Variants in LHFPL2 observed in about 807,000 individuals in gnomAD.
LHFPL2 encodes the protein LHFPL tetraspan subfamily member 2.
Under a neutral mutation model 17.5 loss-of-function variants are expected in LHFPL2, and 7 were observed. That is an observed-to-expected ratio of 0.40 (90% CI 0.23 to 0.75). The LOEUF is 0.75. Among genes scored for constraint, LHFPL2 ranks in the 30% least tolerant of loss-of-function variants. The pLI is 0.37. For missense variants in LHFPL2, 241 were observed against 294.8 expected (o/e 0.82, Z 1.34); for synonymous variants, 134 against 116.2 (o/e 1.15, Z -0.99).
chr5:78,492,122 T>C (rs1393831741), intron 4 of LHFPL2, among the ~76,000 whole-genome samples: 1 of 152,208 alleles, frequency 6.6e-6, no homozygotes, highest in Non-Finnish European at 1.5e-5. Context: ...GGTGCCACTC[T>C]GGTGTACCCT....
In LHFPL2 at chr5:78,486,156, A is replaced by C. The variant is rs1048705824; in HGVS notation, c.*2741T>G. ...ACTTTACAGAATATATGTTTAACAA[A>C]GATCATTACACCACAGATGTTTGAA... On this transcript the variant is annotated 3_prime_UTR_variant, in exon 5 of 5. Transcript: ENST00000380345. 6.5e-6 allele frequency: 1 copy of C among 152,688 alleles called. No individual in the cohort carries two copies. Among genetic ancestry groups the C allele is most frequent in the African/African-American group, 2.4e-5 (1 of 41,470 alleles). 9.5% of individuals were successfully genotyped at this position (152,688 alleles called of 1,614,324 possible).
intron 2 of LHFPL2, among the ~76,000 whole-genome samples, chr5:78,605,986 A>G (rs1331492548): frequency 6.6e-6 from 1 of 152,234 alleles, no homozygotes; most frequent in Non-Finnish European, 1.5e-5. Context: ...CTTCTCTAAT[A>G]TGAGGACTGA....
At chr5:78,570,700 A>C (rs1756977980) in intron 2 of LHFPL2, among the ~76,000 whole-genome samples, 1 of 151,200 alleles carries the variant, frequency 6.6e-6, no homozygotes, top group Non-Finnish European at 1.5e-5. Flanking sequence ...ACTACTGTGA[A>C]TAGTGTTGAG....
At chr5:78,638,247 C>T (rs929334439) in intron 1 of LHFPL2, among the ~76,000 whole-genome samples, 14 of 152,184 alleles carry the variant, frequency 9.2e-5, no homozygotes, top group South Asian at 4.2e-4. Flanking sequence ...CCCAGCTATT[C>T]GGGAGGCTGA....
In LHFPL2 at chr5:78,547,332, T is replaced by A. The variant is rs781646641; in HGVS notation, c.-186+17481A>T. 8.7e-4 allele frequency among the ~76,000 whole-genome samples: 132 copies of A among 152,312 alleles called. 2 individuals carry two copies. The highest frequency in any genetic ancestry group is 1.8e-3 in the Non-Finnish European group (122 of 68,024). On this transcript the variant is annotated intron_variant, in intron 3 of 4. Transcript: ENST00000380345. ...GTGGGCTGGGCAGACACACAAACCCTTCCTTTCTTTGTTTTACTGACTACA... is the reference window on the plus strand; with the variant it reads ...GTGGGCTGGGCAGACACACAAACCCATCCTTTCTTTGTTTTACTGACTACA...
At chr5:78,628,379 T>C (rs1054143889) in intron 2 of LHFPL2, among the ~76,000 whole-genome samples, 1 of 152,194 alleles carries the variant, frequency 6.6e-6, no homozygotes, top group Admixed American at 6.5e-5. Context: ...GGATTAGTAA[T>C]TGCTGGCTTC....
intron 2 of LHFPL2, among the ~76,000 whole-genome samples, chr5:78,595,378 A>ACCCT (rs1024402733): frequency 6.6e-6 from 1 of 152,226 alleles, no homozygotes; most frequent in Non-Finnish European, 1.5e-5. Flanking sequence ...CTTAAAGGCA[A>ACCCT]CCCTCATGTG....
chr5:78,559,424 GAAGCA>G (rs1197217800), intron 3 of LHFPL2, among the ~76,000 whole-genome samples: 3 of 152,172 alleles, frequency 2.0e-5, no homozygotes, highest in African/African-American at 7.2e-5. Flanking sequence ...TCCATCAAGG[GAAGCA>G]ACTTTTCATA....
intron 2 of LHFPL2, among the ~76,000 whole-genome samples, chr5:78,565,140 TC>T (rs1176691468): frequency 6.6e-6 from 1 of 152,188 alleles, no homozygotes. Context: ...TTACATCGTT[TC>T]CTTTCCCCTC....
At chr5:78,515,969 C>T (rs1179967796) in intron 3 of LHFPL2, among the ~76,000 whole-genome samples, 1 of 152,180 alleles carries the variant, frequency 6.6e-6, no homozygotes, top group Non-Finnish European at 1.5e-5. Flanking sequence ...AGCTGTTCTC[C>T]CAGCTCATCT....
intron 2 of LHFPL2, chr5:78,590,201 G>GAACAACGAC (rs150317067): frequency 6.6e-6 from 1 of 150,580 alleles, no homozygotes; most frequent in Non-Finnish European, 1.5e-5. Flanking sequence ...ACCTAGCCAG[G>GAACAACGAC]AACAACAACA....
chr5:78,535,014 A>G (rs1755903079), intron 3 of LHFPL2, among the ~76,000 whole-genome samples: 1 of 152,196 alleles, frequency 6.6e-6, no homozygotes, highest in Non-Finnish European at 1.5e-5. Context: ...AAGCTGAACA[A>G]GTTTGTTGGA....
rs1280458034 is a variant in LHFPL2 at position 78,585,108 on chromosome 5, G to A, written c.-244-20237C>T. Among the ~76,000 whole-genome samples, 6 of 98,348 alleles carry A rather than the reference G, an allele frequency of 6.1e-5. 2 individuals are homozygous for A. The highest frequency in any genetic ancestry group is 2.7e-4 in the East Asian group (1 of 3,646). 64.5% of individuals were successfully genotyped at this position (98,348 alleles called of 152,430 possible). ...TGCAAGCTCCACCTCCCGGGTTCAC[G>A]CCATTCTCCTGCCTCAGCCTCCCAA... On this transcript the variant is annotated intron_variant, in intron 2 of 4. Coordinates refer to ENST00000380345, the MANE Select transcript of LHFPL2 (RefSeq NM_005779.3).
intron 1 of LHFPL2, among the ~76,000 whole-genome samples, chr5:78,645,427 T>G (rs945063564): frequency 2.6e-5 from 4 of 152,050 alleles, no homozygotes; most frequent in Non-Finnish European, 5.9e-5. Context: ...GCAGAGTTCT[T>G]CTTCTCAAGA....
intron 3 of LHFPL2, among the ~76,000 whole-genome samples, chr5:78,521,546 G>C (rs1041664458): frequency 1.3e-5 from 2 of 152,150 alleles, no homozygotes; most frequent in Non-Finnish European, 2.9e-5. Flanking sequence ...AAAAAATTTT[G>C]CCTCCCATGC....
In LHFPL2 at chr5:78,644,189, T is replaced by A. The variant is rs2112531993; in HGVS notation, c.-350+4310A>T. The A allele has an allele frequency of 6.9e-6, 4 of 578,048 alleles. No homozygotes were observed. In the South Asian group the frequency reaches 8.6e-5, roughly 12 times the overall value. The allele number at this position is 578,048 out of a possible 1,614,324, so 35.8% of individuals were successfully genotyped here. Reference sequence around the variant, plus strand: ...TTGTTACATAGTCTTCCATTTCAATTTCTTTAAAAGAAGTGAAATGCATAC... The same window carrying A: ...TTGTTACATAGTCTTCCATTTCAATATCTTTAAAAGAAGTGAAATGCATAC... On this transcript the variant is annotated intron_variant, in intron 1 of 4. Transcript: ENST00000380345.
chr5:78,565,653 A>G (rs1279290435), intron 2 of LHFPL2, among the ~76,000 whole-genome samples: 1 of 152,252 alleles, frequency 6.6e-6, no homozygotes, highest in Non-Finnish European at 1.5e-5. Flanking sequence ...GGACTGTTAT[A>G]GGAATATATT....
intron 2 of LHFPL2, among the ~76,000 whole-genome samples, chr5:78,592,406 G>T (rs1743658590): frequency 1.3e-5 from 2 of 152,068 alleles, no homozygotes; most frequent in Non-Finnish European, 2.9e-5. Flanking sequence ...AGCTAATTTG[G>T]GTTTGTCTCC....
chr5:78,509,662 T>C, intron 4 of LHFPL2, 122 bp downstream of exon 4: 2 of 1,012,374 alleles, frequency 2.0e-6, no homozygotes, highest in Admixed American at 4.5e-5. Flanking sequence ...AAAGGAAACC[T>C]GAATAGACAG....
Sources: gnomAD v4.1 joint callset for allele counts (sites outside exome capture counted in the v4.1 genomes callset) on GRCh38, gnomAD v4.1.1 for gene constraint, MANE v1.5 for transcripts, NCBI Gene and HGNC (gene_info 2026-07-23, HGNC 2026-07-21) for gene names.